ZNF488: variants seen among roughly 807,000 people sequenced by gnomAD.
ZNF488 encodes zinc finger protein 488.
ZNF488 carries 1 observed loss-of-function variant against 1.2 expected under a neutral mutation model. The observed-to-expected ratio is 0.86, with a 90% CI of 0.30 to 4.07. ZNF488 has a LOEUF of 4.07. Ranked by LOEUF, ZNF488 falls within the 30% of genes most tolerant of loss-of-function variation. The probability of loss-of-function intolerance (pLI) is 0.18; values close to 1 mark genes in which losing one functional copy is unlikely to be tolerated. For synonymous variants in ZNF488, 185 were observed against 190.1 expected (o/e 0.97, Z 0.22); for missense variants, 450 against 437.9 (o/e 1.03, Z -0.25).
intron 1 of ZNF488, among the ~76,000 whole-genome samples, chr10:47,374,927 T>C (rs368728524): frequency 4.6e-5 from 7 of 152,226 alleles, no homozygotes; most frequent in Admixed American, 1.3e-4. Context: ...AACATGGATT[T>C]AGCTTCCCAA....
At chr10:47,380,993 C>T (rs1044419450) in intron 1 of ZNF488, among the ~76,000 whole-genome samples, 11 of 152,390 alleles carry the variant, frequency 7.2e-5, no homozygotes, top group Admixed American at 7.2e-4. Context: ...GGCAGCCTTC[C>T]CATTACTCCT....
rs889608108 is a variant in ZNF488 at position 47,377,248 on chromosome 10, A to C, written c.-109+6972T>G. Among the ~76,000 whole-genome samples the C allele has an allele frequency of 6.6e-5, 10 of 152,334 alleles. No homozygotes were observed. The South Asian group carries it at 2.1e-3, about 32-fold the overall frequency. On this transcript the variant is annotated intron_variant, in intron 1 of 1. Coordinates refer to ENST00000585316, the MANE Select transcript of ZNF488 (RefSeq NM_153034.4). Reference sequence around the variant, plus strand: ...TTGGTTCTGTTTTATGCTACTCAGCATCCTTCCTAACCAAACCCAGTTTCA... The same window carrying C: ...TTGGTTCTGTTTTATGCTACTCAGCCTCCTTCCTAACCAAACCCAGTTTCA...
rs1555213475 is a variant in ZNF488 at position 47,368,798 on chromosome 10, G to T, written c.32C>A (p.Ala11Asp). The T allele has an allele frequency of 4.4e-6, 7 of 1,602,074 alleles. No individual in the cohort carries two copies. Among genetic ancestry groups the T allele is most frequent in the Non-Finnish European group, 6.0e-6 (7 of 1,174,714 alleles). ...TGCCATGGTGATCACCAGGGCCGGG[G>T]CCACAGATAAGCAAGGTGGCCACTC... MPEWPPCLSV[A>D]PALVITMAAG... Residue 11 changes from alanine (A) to aspartate (D), a missense_variant, in exon 2 of 2, where the codon GCC becomes GAC. Physicochemically the swap from Ala to Asp is moderately radical, Grantham distance 126 (BLOSUM62 -2). Transcript: ENST00000585316.
chr10:47,368,214 G>A lies in ZNF488; in HGVS notation c.616C>T (p.Arg206Ter), dbSNP rs376334169. ...LNTTDLACWGRLSTPKLLVGD... is the reference protein window; with the variant it reads ...LNTTDLACWG The stretch of plus-strand genomic sequence containing the variant: ...ACCAAAAGCTTGGGAGTTGAAAGTC[G>A]ACCCCAACAAGCGAGGTCTGTAGTG... The change falls in exon 2 of 2, where the codon CGA (arginine) becomes TGA (stop). Residue 206 changes from arginine to a stop codon, truncating the protein, a stop_gained. Coordinates refer to ENST00000585316, the MANE Select transcript of ZNF488 (RefSeq NM_153034.4). LOFTEE classifies it low-confidence loss of function (END_TRUNC). The A allele has an allele frequency of 2.1e-5, 34 of 1,614,034 alleles. No individual in the cohort carries two copies. In the Middle Eastern group the frequency reaches 4.9e-4, roughly 23 times the overall value.
At chr10:47,372,696 G>C (rs1555214007) in intron 1 of ZNF488, among the ~76,000 whole-genome samples, 1 of 152,176 alleles carries the variant, frequency 6.6e-6, no homozygotes, top group Non-Finnish European at 1.5e-5. Context: ...CTTTGCAAAT[G>C]AAGTCAGGGG....
At chr10:47,377,313 T>C (rs1588884518) in intron 1 of ZNF488, among the ~76,000 whole-genome samples, 1 of 152,172 alleles carries the variant, frequency 6.6e-6, no homozygotes, top group East Asian at 1.9e-4. Context: ...ACTGGAACTC[T>C]CTGAATAGCT....
At chr10:47,376,759 A>G (rs1464085011) in intron 1 of ZNF488, among the ~76,000 whole-genome samples, 2 of 152,234 alleles carry the variant, frequency 1.3e-5, no homozygotes, top group East Asian at 3.9e-4. Context: ...TCCCGTGCAG[A>G]CACCTACAGA....
intron 1 of ZNF488, among the ~76,000 whole-genome samples, chr10:47,369,580 T>C (rs1565779352): frequency 6.6e-6 from 1 of 152,276 alleles, no homozygotes; most frequent in East Asian, 1.9e-4. Flanking sequence ...TGGTGGCCCC[T>C]TTGTCCACAT....
chr10:47,382,189 C>T (rs1372115955), intron 1 of ZNF488, among the ~76,000 whole-genome samples: 1 of 152,274 alleles, frequency 6.6e-6, no homozygotes, highest in East Asian at 1.9e-4. Context: ...TGCCAGATAG[C>T]AAGAGCACAA....
intron 1 of ZNF488, among the ~76,000 whole-genome samples, chr10:47,380,368 G>A (rs560020791): frequency 1.2e-3 from 9 of 7,466 alleles, no homozygotes; most frequent in East Asian, 2.1e-3. Context: ...CTCAGATCAC[G>A]TGAATCACAG....
intron 1 of ZNF488, 138 bp from the exon 2 acceptor site, chr10:47,369,075 C>T (rs1837363844): frequency 3.9e-6 from 2 of 519,288 alleles, no homozygotes; most frequent in Non-Finnish European, 6.7e-6. Flanking sequence ...GACTGCACCA[C>T]CTCTCAGGAG....
intron 1 of ZNF488, among the ~76,000 whole-genome samples, chr10:47,382,535 T>C (rs1838012811): frequency 1.3e-5 from 2 of 152,182 alleles, no homozygotes; most frequent in Non-Finnish European, 2.9e-5. Context: ...ACACGATGAT[T>C]CTAAATCATT....
At chr10:47,369,170 G>A (rs1275347698) in intron 1 of ZNF488, among the ~76,000 whole-genome samples, 2 of 152,212 alleles carry the variant, frequency 1.3e-5, no homozygotes, top group African/African-American at 4.8e-5. Flanking sequence ...AAATGCCCAT[G>A]GGCAGCAGCC....
At chr10:47,379,940 C>T (rs1588888069) in intron 1 of ZNF488, among the ~76,000 whole-genome samples, 1 of 152,400 alleles carries the variant, frequency 6.6e-6, no homozygotes, top group East Asian at 1.9e-4. Context: ...CTCCGGGAAC[C>T]TGCCTGCGCC....
chr10:47,374,200 C>T (rs999812152), intron 1 of ZNF488, among the ~76,000 whole-genome samples: 8 of 152,126 alleles, frequency 5.3e-5, no homozygotes, highest in Admixed American at 1.3e-4. Context: ...TACTATAAGG[C>T]GCCGAGTGAC....
At position 47,375,545 on chromosome 10, in the gene ZNF488, T is replaced by C. The variant is rs148634777; in HGVS notation, c.-108-6608A>G. Reference sequence around the variant, plus strand: ...TCAATAATGCAGATTAAACTGAAATTTTTGTCTTGTCGATAGCTGTTATAT... The same window carrying C: ...TCAATAATGCAGATTAAACTGAAATCTTTGTCTTGTCGATAGCTGTTATAT... On this transcript the variant is annotated intron_variant, in intron 1 of 1. Transcript: ENST00000585316. Among the ~76,000 whole-genome samples, 810 of 152,338 alleles carry C rather than the reference T, an allele frequency of 5.3e-3. 6 individuals carry two copies. The highest frequency in any genetic ancestry group is 0.017 in the African/African-American group (720 of 41,578).
At chr10:47,371,089 A>G (rs4922518) in intron 1 of ZNF488, among the ~76,000 whole-genome samples, 89,870 of 151,988 alleles carry the variant, frequency 0.59, 27,960 homozygotes, top group East Asian at 0.88. Flanking sequence ...CCCAGAAGGG[A>G]CTGCCCAGGG....
At chr10:47,380,511 C>G (rs574417226) in intron 1 of ZNF488, among the ~76,000 whole-genome samples, 8 of 149,010 alleles carry the variant, frequency 5.4e-5, no homozygotes, top group Admixed American at 5.3e-4. Context: ...GGGCCATCAA[C>G]CAGGGTCCCC....
rs782266992 is a variant in ZNF488, at chr10:47,368,751, T to C, written c.79A>G (p.Ser27Gly). ...CGCCATCTGTTTTCAGCCGATGGGCTCAACGGGGCTCCCTTCCCAGCTGCC... is the reference window on the plus strand; with the variant it reads ...CGCCATCTGTTTTCAGCCGATGGGCCCAACGGGGCTCCCTTCCCAGCTGCC... ...TMAAGKGAPLSPSAENRWRLS... is the reference protein window; with the variant it reads ...TMAAGKGAPLGPSAENRWRLS... The change falls in exon 2 of 2, where the codon AGC (serine) becomes GGC (glycine). Residue 27 changes from serine to glycine, a missense_variant. Ser to Gly is a moderately conservative substitution (Grantham distance 56, BLOSUM62 0). Coordinates refer to ENST00000585316, the MANE Select transcript of ZNF488 (RefSeq NM_153034.4). The C allele has an allele frequency of 6.2e-7, 1 of 1,613,142 alleles. No homozygotes were observed. Among genetic ancestry groups the C allele is most frequent in the Non-Finnish European group, 8.5e-7 (1 of 1,179,934 alleles).
Sources: gnomAD v4.1 joint callset for allele counts (sites outside exome capture counted in the v4.1 genomes callset) on GRCh38, gnomAD v4.1.1 for gene constraint, MANE v1.5 for transcripts, NCBI Gene and HGNC (gene_info 2026-07-23, HGNC 2026-07-21) for gene names.